Variants in PDE8A observed in about 807,000 individuals in gnomAD.
PDE8A encodes the protein high affinity cAMP-specific and IBMX-insensitive 3',5'-cyclic phosphodiesterase 8A.
Under a neutral mutation model 105.0 loss-of-function variants are expected in PDE8A, and 59 were observed. That is an observed-to-expected ratio of 0.56 (90% CI 0.46 to 0.70). The LOEUF (loss-of-function observed/expected upper bound fraction) is 0.70. Among genes scored for constraint, PDE8A ranks in the 30% least tolerant of loss-of-function variants. The probability of loss-of-function intolerance (pLI) is 0.00; values close to 1 mark genes in which losing one functional copy is unlikely to be tolerated. For synonymous variants in PDE8A, 355 were observed against 371.9 expected, an observed-to-expected ratio of 0.95 and a Z score of 0.52; for missense variants, 1,014 against 1,045.9, an observed-to-expected ratio of 0.97 and a Z score of 0.42.
chr15:85,042,054 AAAAGAAACTTT>A (rs1396973593), intron 1 of PDE8A, among the ~76,000 whole-genome samples: 1 of 149,644 alleles, frequency 6.7e-6, no homozygotes, highest in Non-Finnish European at 1.5e-5. Flanking sequence ...TAAAATTCCA[AAAAGAAACTTT>A]AAAGAAACCA....
chr15:85,058,322 A>G (rs1314602261), intron 1 of PDE8A, among the ~76,000 whole-genome samples: 1 of 152,064 alleles, frequency 6.6e-6, no homozygotes, highest in African/African-American at 2.4e-5. Flanking sequence ...CTGGCCTCAA[A>G]CAGTCCTCCC....
At chr15:85,009,881 C>T (rs2080212876) in intron 1 of PDE8A, among the ~76,000 whole-genome samples, 1 of 152,116 alleles carries the variant, frequency 6.6e-6, no homozygotes, top group Non-Finnish European at 1.5e-5. Context: ...AGAAATAACC[C>T]CATAGTTCAT....
chr15:85,012,487 G>A (rs1347568122), intron 1 of PDE8A, among the ~76,000 whole-genome samples: 1 of 138,324 alleles, frequency 7.2e-6, no homozygotes, highest in Non-Finnish European at 1.5e-5. Flanking sequence ...TCATAGGTGG[G>A]AATTGAACAA....
intron 1 of PDE8A, among the ~76,000 whole-genome samples, chr15:85,030,801 A>C (rs2080602620): frequency 6.6e-6 from 1 of 152,218 alleles, no homozygotes; most frequent in Non-Finnish European, 1.5e-5. Context: ...CTCAGCAGGC[A>C]TCACTCCACT....
intron 1 of PDE8A, among the ~76,000 whole-genome samples, chr15:85,042,398 A>G (rs1248474193): frequency 6.6e-6 from 1 of 152,112 alleles, no homozygotes; most frequent in East Asian, 1.9e-4. Flanking sequence ...GGCTCAAGTG[A>G]TGCTCCTGCC....
intron 3 of PDE8A, among the ~76,000 whole-genome samples, chr15:85,071,267 G>C (rs886664559): frequency 6.6e-6 from 1 of 152,204 alleles, no homozygotes; most frequent in Non-Finnish European, 1.5e-5. Context: ...CCAAGCCTGG[G>C]ATGCTGGAGT....
chr15:85,048,374 G>A (rs1368034796), intron 1 of PDE8A, among the ~76,000 whole-genome samples: 1 of 150,496 alleles, frequency 6.6e-6, no homozygotes, highest in Non-Finnish European at 1.5e-5. Context: ...TTATCTATTT[G>A]ATCCTTCTTA....
chr15:85,009,614 C>T (rs1290023184), intron 1 of PDE8A, among the ~76,000 whole-genome samples: 1 of 152,204 alleles, frequency 6.6e-6, no homozygotes, highest in Non-Finnish European at 1.5e-5. Context: ...TTTCTCCGGA[C>T]TGTGGTAGGT....
chr15:84,991,310 T>C (rs1043527819), intron 1 of PDE8A, among the ~76,000 whole-genome samples: 1 of 152,128 alleles, frequency 6.6e-6, no homozygotes, highest in African/African-American at 2.4e-5. Context: ...AACCGCCCAG[T>C]TGAAAAATTG....
chr15:85,083,320 T>A (rs202101282), intron 5 of PDE8A, among the ~76,000 whole-genome samples: 1,875 of 149,608 alleles, frequency 0.013, 14 homozygotes, highest in East Asian at 0.037. Flanking sequence ...TTTTTTTTTT[T>A]TAAAAAAATG....
intron 1 of PDE8A, among the ~76,000 whole-genome samples, chr15:85,035,127 A>G (rs2080682371): frequency 1.3e-5 from 2 of 150,130 alleles, no homozygotes; most frequent in African/African-American, 4.9e-5. Context: ...TGTTTCTCTG[A>G]GCAACTCAAA....
chr15:85,050,568 A>T (rs1020096016), intron 1 of PDE8A, among the ~76,000 whole-genome samples: 4 of 152,088 alleles, frequency 2.6e-5, no homozygotes, highest in Non-Finnish European at 5.9e-5. Context: ...TGTTGAAAAC[A>T]CTCTCCTTTC....
intron 20 of PDE8A, 120 bp downstream of exon 20, chr15:85,126,494 G>A: frequency 2.8e-6 from 2 of 708,980 alleles, no homozygotes; most frequent in Non-Finnish European, 4.1e-6. Flanking sequence ...TCCTTGTTTT[G>A]CAAGGTAACA....
intron 5 of PDE8A, among the ~76,000 whole-genome samples, chr15:85,083,149 C>T (rs1172901067): frequency 6.6e-6 from 1 of 152,192 alleles, no homozygotes; most frequent in Non-Finnish European, 1.5e-5. Context: ...ACTTACATGA[C>T]TTTAAAGCGG....
At chr15:85,011,011 G>A (rs147657170) in intron 1 of PDE8A, among the ~76,000 whole-genome samples, 1 of 152,274 alleles carries the variant, frequency 6.6e-6, no homozygotes, top group African/African-American at 2.4e-5. Context: ...TAGTTTCAGA[G>A]TCCCTATTTC....
At chr15:85,028,018 G>A (rs1161394757) in intron 1 of PDE8A, among the ~76,000 whole-genome samples, 1 of 152,108 alleles carries the variant, frequency 6.6e-6, no homozygotes, top group African/African-American at 2.4e-5. Context: ...AACGTTGCTG[G>A]CAACATTTAA....
At chr15:84,994,715 C>G (rs2079947049) in intron 1 of PDE8A, among the ~76,000 whole-genome samples, 1 of 152,056 alleles carries the variant, frequency 6.6e-6, no homozygotes, top group Non-Finnish European at 1.5e-5. Context: ...GCCTGTAATC[C>G]CAGCACTTTG....
intron 5 of PDE8A, among the ~76,000 whole-genome samples, chr15:85,077,459 A>T (rs1020580380): frequency 2.0e-5 from 3 of 152,254 alleles, no homozygotes; most frequent in Non-Finnish European, 4.4e-5. Context: ...ATCTCAAGCC[A>T]TGAATTTAGT....
At chr15:85,134,109 A>G (rs1039192232) in intron 20 of PDE8A, among the ~76,000 whole-genome samples, 2 of 152,214 alleles carry the variant, frequency 1.3e-5, no homozygotes, top group African/African-American at 2.4e-5. Context: ...GGGCCCCTGG[A>G]CGTTCCATGC....
Sources: gnomAD v4.1 joint callset for allele counts (sites outside exome capture counted in the v4.1 genomes callset) on GRCh38, gnomAD v4.1.1 for gene constraint, MANE v1.5 for transcripts, NCBI Gene and HGNC (gene_info 2026-07-23, HGNC 2026-07-21) for gene names.